The following SGCZ variants were observed in gnomAD, a reference collection of about 807,000 sequenced individuals.
The protein encoded by SGCZ is zeta-sarcoglycan.
SGCZ carries 40 observed loss-of-function variants against 41.3 expected under a neutral mutation model. That is an observed-to-expected ratio of 0.97 (90% CI 0.75 to 1.26). The LOEUF (loss-of-function observed/expected upper bound fraction) is 1.26, where lower values mean the gene tolerates loss of function less well. Among genes scored for constraint, SGCZ ranks in the 50% most tolerant of loss-of-function variants. The pLI, the probability that SGCZ is intolerant of heterozygous loss-of-function variation, is 0.00. For missense variants in SGCZ, 552 were observed against 369.8 expected, an observed-to-expected ratio of 1.49 and a Z score of -4.04; for synonymous variants, 206 against 137.5, an observed-to-expected ratio of 1.50 and a Z score of -3.49.
intron 1 of SGCZ, among the ~76,000 whole-genome samples, chr8:14,705,683 A>G (rs1809310208): frequency 6.6e-6 from 1 of 152,070 alleles, no homozygotes; most frequent in Non-Finnish European, 1.5e-5. Flanking sequence ...TGATGTCTTC[A>G]GATTACTTGC....
chr8:14,720,147 T>G lies in SGCZ; in HGVS notation c.40-165221A>C, dbSNP rs541519400. On this transcript the variant is annotated intron_variant, in intron 1 of 7. Coordinates refer to ENST00000382080, the MANE Select transcript of SGCZ (RefSeq NM_139167.4). ...TTTTTTCTTTTCAGACTATCTGATC[T>G]TGGCCACAAATACATATCTTCAAAA... Among the ~76,000 whole-genome samples, 17 of 152,120 alleles carry G rather than the reference T, an allele frequency of 1.1e-4. 2 individuals are homozygous for G. In the South Asian group the frequency reaches 3.3e-3, roughly 30 times the overall value.
chr8:15,151,702 A>C (rs879795699), intron 1 of SGCZ, among the ~76,000 whole-genome samples: 7 of 152,244 alleles, frequency 4.6e-5, no homozygotes, highest in Non-Finnish European at 8.8e-5. Context: ...CACAGTTAAT[A>C]ATATTTCAGA....
chr8:14,755,875 T>G (rs939055732), intron 1 of SGCZ, among the ~76,000 whole-genome samples: 19 of 151,618 alleles, frequency 1.3e-4, no homozygotes, highest in African/African-American at 4.6e-4. Flanking sequence ...AAAAAAAAAG[T>G]AAAAATAAAA....
At chr8:14,339,451 T>C (rs1287062530) in intron 2 of SGCZ, among the ~76,000 whole-genome samples, 2 of 152,248 alleles carry the variant, frequency 1.3e-5, no homozygotes, top group African/African-American at 4.8e-5. Context: ...GATAAGTTAT[T>C]GCAGGTAATG....
At chr8:14,620,277 C>T (rs1218472539) in intron 1 of SGCZ, among the ~76,000 whole-genome samples, 2 of 152,138 alleles carry the variant, frequency 1.3e-5, no homozygotes, top group African/African-American at 2.4e-5. Flanking sequence ...ACACCTTATA[C>T]AAAAATTAAT....
At chr8:15,172,215 G>T (rs868109075) in intron 1 of SGCZ, among the ~76,000 whole-genome samples, 2 of 128,442 alleles carry the variant, frequency 1.6e-5, no homozygotes, top group African/African-American at 6.1e-5. Flanking sequence ...AGGCTGGAGC[G>T]CAGTGGCGCG....
chr8:14,628,997 G>A (rs1585137569), intron 1 of SGCZ, among the ~76,000 whole-genome samples: 1 of 152,026 alleles, frequency 6.6e-6, no homozygotes, highest in Non-Finnish European at 1.5e-5. Context: ...CTTAACACAG[G>A]ATGTTTGCAA....
intron 2 of SGCZ, among the ~76,000 whole-genome samples, chr8:14,380,870 CA>C (rs112541866): frequency 1.6e-3 from 234 of 144,840 alleles, no homozygotes; most frequent in Middle Eastern, 3.6e-3. Flanking sequence ...AACAAACAAA[CA>C]AAAAAAAAAA....
intron 5 of SGCZ, among the ~76,000 whole-genome samples, chr8:14,139,945 T>A (rs550686018): frequency 6.6e-6 from 1 of 152,276 alleles, no homozygotes; most frequent in African/African-American, 2.4e-5. Flanking sequence ...AATAAAATAC[T>A]GGCAAACCAA....
chr8:14,463,232 A>C (rs1800951997), intron 2 of SGCZ, among the ~76,000 whole-genome samples: 1 of 151,414 alleles, frequency 6.6e-6, no homozygotes, highest in African/African-American at 2.4e-5. Context: ...ATGGAATCTC[A>C]TGAGAGCTCA....
chr8:14,383,659 A>G (rs998605950), intron 2 of SGCZ, among the ~76,000 whole-genome samples: 1 of 152,214 alleles, frequency 6.6e-6, no homozygotes, highest in Non-Finnish European at 1.5e-5. Context: ...AGAAGTGACA[A>G]AAAAATGTGC....
chr8:15,200,132 A>G (rs1189349392), intron 1 of SGCZ, among the ~76,000 whole-genome samples: 1 of 152,242 alleles, frequency 6.6e-6, no homozygotes, highest in Non-Finnish European at 1.5e-5. Context: ...AAAGTAAACC[A>G]TCTGGGTATG....
chr8:14,209,401 C>T (rs1017219514), intron 4 of SGCZ, among the ~76,000 whole-genome samples: 4 of 151,828 alleles, frequency 2.6e-5, no homozygotes, highest in African/African-American at 9.7e-5. Flanking sequence ...GTTTTCCTGA[C>T]CTTAATTTTC....
intron 2 of SGCZ, among the ~76,000 whole-genome samples, chr8:14,394,800 A>G: frequency 6.6e-6 from 1 of 152,212 alleles, no homozygotes; most frequent in Non-Finnish European, 1.5e-5. Flanking sequence ...AAAAAAGGCT[A>G]AATAATGAAC....
At chr8:14,862,729 A>G (rs1803798692) in intron 1 of SGCZ, among the ~76,000 whole-genome samples, 1 of 151,782 alleles carries the variant, frequency 6.6e-6, no homozygotes, top group South Asian at 2.1e-4. Flanking sequence ...GATTATAATA[A>G]GGTTCAAAGA....
chr8:14,603,714 T>C (rs1805662775), intron 1 of SGCZ, among the ~76,000 whole-genome samples: 1 of 152,338 alleles, frequency 6.6e-6, no homozygotes, highest in African/African-American at 2.4e-5. Flanking sequence ...TTATCTGTTG[T>C]TGTTAATTTT....
In SGCZ at chr8:14,387,276, T is replaced by A. The variant is rs180790120; in HGVS notation, c.235-63072A>T. On this transcript the variant is annotated intron_variant, in intron 2 of 7. Transcript: ENST00000382080. ...TCTGTTGCCCAGACTGGCCTCGAAC[T>A]CTTGGCCTCAAGAAATCCTCCCATC... is the stretch of plus-strand genomic sequence containing the variant. Among the ~76,000 whole-genome samples, 576 of 152,298 alleles carry A rather than the reference T, an allele frequency of 3.8e-3. 5 individuals carry two copies. Among genetic ancestry groups the A allele is most frequent in the Non-Finnish European group, 6.1e-3 (418 of 68,020 alleles).
At chr8:14,645,476 A>ATATATATATATATT (rs1807177658) in intron 1 of SGCZ, among the ~76,000 whole-genome samples, 1 of 103,888 alleles carries the variant, frequency 9.6e-6, no homozygotes, top group African/African-American at 3.0e-5. Context: ...ATATATATAT[A>ATATATATATATATT]TTTATATGTA....
intron 2 of SGCZ, among the ~76,000 whole-genome samples, chr8:14,429,342 A>G (rs1297247301): frequency 6.6e-6 from 1 of 152,196 alleles, no homozygotes; most frequent in Admixed American, 6.5e-5. Flanking sequence ...AAGTCCAGGC[A>G]TAAAGCCTGG....
Sources: allele counts gnomAD v4.1 joint callset (sites outside exome capture counted in the v4.1 genomes callset), GRCh38; gene constraint gnomAD v4.1.1; transcripts MANE v1.5; gene names NCBI Gene and HGNC (gene_info 2026-07-23, HGNC 2026-07-21).